GSDMC: variants seen among roughly 807,000 people sequenced by gnomAD.
GSDMC encodes the protein gasdermin C.
In GSDMC, 59 loss-of-function variants were observed where a neutral mutation model predicts 58.0. The ratio of observed to expected loss-of-function variants is 1.02; its 90% CI spans 0.82 to 1.26. The LOEUF (loss-of-function observed/expected upper bound fraction) is 1.26, where lower values mean the gene tolerates loss of function less well. Among genes scored for constraint, GSDMC ranks in the 50% most tolerant of loss-of-function variants. The pLI, the probability that GSDMC is intolerant of heterozygous loss-of-function variation, is 0.00. For missense variants in GSDMC, 659 were observed against 598.5 expected (o/e 1.10, Z -1.06); for synonymous variants, 241 against 220.2 (o/e 1.09, Z -0.83).
At chr8:129,744,202 G>A (rs574659224), downstream of GSDMC, among the ~76,000 whole-genome samples, 2 of 152,112 alleles carry the variant, frequency 1.3e-5, no homozygotes, top group African/African-American at 4.8e-5. Flanking sequence ...CAGAAACCTG[G>A]GGCAATCTTA....
At chr8:129,759,038 G>C (rs10956492) in intron 6 of GSDMC, among the ~76,000 whole-genome samples, 19,155 of 151,982 alleles carry the variant, frequency 0.13, 1,377 homozygotes, top group South Asian at 0.22. Flanking sequence ...GAACAAAATA[G>C]AGAACCTAGA....
chr8:129,764,426 A>T (rs898337525), intron 4 of GSDMC, among the ~76,000 whole-genome samples: 2 of 152,154 alleles, frequency 1.3e-5, no homozygotes, highest in African/African-American at 4.8e-5. Context: ...TAGAGATGTG[A>T]TGCCTGGAGC....
chr8:129,762,847 G>T, intron 4 of GSDMC, 116 bp from the exon 5 acceptor site: 1 of 639,644 alleles, frequency 1.6e-6, no homozygotes. Flanking sequence ...CCTCCCTACT[G>T]CTGACTTCTG....
downstream of GSDMC, among the ~76,000 whole-genome samples, chr8:129,747,407 T>A (rs866325219): frequency 9.8e-5 from 15 of 152,304 alleles, no homozygotes; most frequent in Middle Eastern, 3.4e-3. Flanking sequence ...CTTGCCTTTT[T>A]TAGCAGAAAA....
chr8:129,767,960 G>A (rs1215134182), intron 3 of GSDMC, among the ~76,000 whole-genome samples: 1 of 151,996 alleles, frequency 6.6e-6, no homozygotes, highest in Non-Finnish European at 1.5e-5. Flanking sequence ...GTGGGGTCCA[G>A]CCAGTGGTCC....
At chr8:129,751,922 G>C (rs781567096) in intron 8 of GSDMC, 31 bp from the exon 9 acceptor site, 3 of 1,599,286 alleles carry the variant, frequency 1.9e-6, no homozygotes, top group Non-Finnish European at 1.7e-6. Flanking sequence ...CCTCACCAAA[G>C]AGGCTCAAAG....
chr8:129,720,948 T>A, the GSDMC span, among the ~76,000 whole-genome samples: 1 of 152,182 alleles, frequency 6.6e-6, no homozygotes, highest in African/African-American at 2.4e-5. Flanking sequence ...GTGCACAAGA[T>A]GGACAGGCAG....
At chr8:129,737,549 T>G in the GSDMC span, among the ~76,000 whole-genome samples, 4 of 152,132 alleles carry the variant, frequency 2.6e-5, no homozygotes, top group African/African-American at 9.7e-5. Context: ...GAAAGAATTC[T>G]CTATTTAATA....
At chr8:129,765,505 T>G (rs1586598468) in intron 4 of GSDMC, 123 bp downstream of exon 4, 2 of 740,472 alleles carry the variant, frequency 2.7e-6, no homozygotes, top group East Asian at 2.5e-5. Context: ...AAGGGGGAAA[T>G]AATGACTCCA....
intron 3 of GSDMC, among the ~76,000 whole-genome samples, chr8:129,766,673 T>C (rs2033871197): frequency 6.6e-6 from 1 of 152,062 alleles, no homozygotes; most frequent in Admixed American, 6.6e-5. Context: ...AACACCAAGC[T>C]CGGTGTTTCA....
At chr8:129,753,691 C>T (rs549131909) in intron 6 of GSDMC, among the ~76,000 whole-genome samples, 1 of 152,206 alleles carries the variant, frequency 6.6e-6, no homozygotes, top group African/African-American at 2.4e-5. Context: ...ACCAAGCAGG[C>T]TCTTGGGGCC....
chr8:129,768,291 C>G (rs2033935211), intron 3 of GSDMC, among the ~76,000 whole-genome samples: 1 of 152,218 alleles, frequency 6.6e-6, no homozygotes, highest in African/African-American at 2.4e-5. Context: ...GCTGCTGCCT[C>G]AAAAGCACAA....
downstream of GSDMC, among the ~76,000 whole-genome samples, chr8:129,743,260 T>C (rs2032902026): frequency 6.6e-6 from 1 of 152,200 alleles, no homozygotes; most frequent in Non-Finnish European, 1.5e-5. Context: ...CACAGGTCCT[T>C]GAAGGTCTTT....
At chr8:129,721,716 T>G in the GSDMC span, among the ~76,000 whole-genome samples, 2 of 152,224 alleles carry the variant, frequency 1.3e-5, no homozygotes, top group Admixed American at 1.3e-4. Context: ...CTCTCTGACT[T>G]GACAGCACTC....
chr8:129,711,456 A>G, the GSDMC span, among the ~76,000 whole-genome samples: 3 of 152,234 alleles, frequency 2.0e-5, no homozygotes, highest in African/African-American at 2.4e-5. Context: ...CAGTTCCATT[A>G]TCTTAGCTAG....
At chr8:129,725,830 C>T in the GSDMC span, among the ~76,000 whole-genome samples, 7 of 152,278 alleles carry the variant, frequency 4.6e-5, no homozygotes, top group South Asian at 6.2e-4. Flanking sequence ...AGTTAGGGAT[C>T]GGCCCAACTC....
chr8:129,732,397 G>A, the GSDMC span, among the ~76,000 whole-genome samples: 3 of 151,320 alleles, frequency 2.0e-5, no homozygotes, highest in Non-Finnish European at 4.4e-5. Context: ...GGGGGGAAAA[G>A]GGAAAGAAAA....
At chr8:129,767,866 G>A (rs2033919022) in intron 3 of GSDMC, among the ~76,000 whole-genome samples, 1 of 152,210 alleles carries the variant, frequency 6.6e-6, no homozygotes, top group South Asian at 2.1e-4. Flanking sequence ...TCAGAGCCCA[G>A]CCTAAAGCCC....
chr8:129,752,972 C>T, intron 6 of GSDMC, 152 bp from the exon 7 acceptor site: 2 of 1,332,114 alleles, frequency 1.5e-6, no homozygotes, highest in Non-Finnish European at 2.0e-6. Flanking sequence ...AGGAATTGCC[C>T]ATTCCTTCTT....
Sources: allele counts gnomAD v4.1 joint callset (sites outside exome capture counted in the v4.1 genomes callset), GRCh38; gene constraint gnomAD v4.1.1; transcripts MANE v1.5; gene names NCBI Gene and HGNC (gene_info 2026-07-23, HGNC 2026-07-21).